Variants in ASCC1 observed in about 807,000 individuals in gnomAD.
ASCC1 encodes the protein activating signal cointegrator 1 complex subunit 1.
Under a neutral mutation model 46.6 loss-of-function variants are expected in ASCC1, and 35 were observed. The observed-to-expected ratio is 0.75, with a 90% confidence interval of 0.57 to 0.99. The LOEUF is 0.99. Ranked by LOEUF, ASCC1 falls within the 50% of genes least tolerant of loss-of-function variation. The probability of loss-of-function intolerance (pLI) is 0.00; values close to 1 mark genes in which losing one functional copy is unlikely to be tolerated. For synonymous variants in ASCC1, 143 were observed against 146.6 expected (o/e 0.98, Z 0.18); for missense variants, 376 against 428.7 (o/e 0.88, Z 1.09).
chr10:72,190,752 C>T (rs1854310731), intron 5 of ASCC1, among the ~76,000 whole-genome samples: 2 of 152,018 alleles, frequency 1.3e-5, no homozygotes, highest in African/African-American at 4.8e-5. Flanking sequence ...AATCCCAGCA[C>T]TTTGGGAAGC....
chr10:72,201,281 G>A (rs1035799515), intron 4 of ASCC1, among the ~76,000 whole-genome samples: 2 of 152,096 alleles, frequency 1.3e-5, no homozygotes, highest in African/African-American at 4.8e-5. Context: ...CCACAGTGCT[G>A]GAAGTACAGG....
At chr10:72,125,024 C>CA (rs34526013) in intron 9 of ASCC1, among the ~76,000 whole-genome samples, 1 of 152,128 alleles carries the variant, frequency 6.6e-6, no homozygotes, top group South Asian at 2.1e-4. Flanking sequence ...CAACAACTCT[C>CA]AAAAAAGCTG....
At chr10:72,196,111 T>C (rs1287597122) in intron 5 of ASCC1, among the ~76,000 whole-genome samples, 1 of 152,124 alleles carries the variant, frequency 6.6e-6, no homozygotes, top group Non-Finnish European at 1.5e-5. Context: ...TTCACTGTTA[T>C]CTAAGTATGG....
intron 9 of ASCC1, among the ~76,000 whole-genome samples, chr10:72,113,813 T>C (rs909785062): frequency 6.6e-6 from 1 of 152,196 alleles, no homozygotes; most frequent in African/African-American, 2.4e-5. Context: ...CCCCTAATAA[T>C]CTTCTGCAAT....
chr10:72,176,519 A>AT (rs1409079230), intron 5 of ASCC1, among the ~76,000 whole-genome samples: 13 of 151,310 alleles, frequency 8.6e-5, no homozygotes, highest in South Asian at 2.1e-4. Flanking sequence ...AATTTTTTTT[A>AT]TTTTTTGTGG....
chr10:72,184,887 A>C (rs1853228604), intron 5 of ASCC1, among the ~76,000 whole-genome samples: 1 of 152,186 alleles, frequency 6.6e-6, no homozygotes, highest in Non-Finnish European at 1.5e-5. Flanking sequence ...AAAATGGTAA[A>C]TTTTATGTTA....
chr10:72,148,567 T>C (rs957474167), intron 7 of ASCC1, among the ~76,000 whole-genome samples: 4 of 152,234 alleles, frequency 2.6e-5, no homozygotes, highest in Non-Finnish European at 2.9e-5. Context: ...AATTAGAATT[T>C]TGGAAAATGT....
intron 5 of ASCC1, among the ~76,000 whole-genome samples, chr10:72,172,003 C>G (rs1296176091): frequency 3.3e-5 from 5 of 152,176 alleles, no homozygotes; most frequent in African/African-American, 1.2e-4. Context: ...ACAAGGAAGT[C>G]TAGGGTGCTG....
In ASCC1 at chr10:72,196,652, A is replaced by G. The variant is rs1268594216; in HGVS notation, c.489+159T>C. On this transcript the variant is annotated intron_variant, in intron 5 of 9. Coordinates refer to ENST00000672957, the MANE Select transcript of ASCC1 (RefSeq NM_001198800.3). ...AACTTATGAGCTGATATGTCCATAC[A>G]CTTTTTTTTTCAGTTCAATATAAGA... 2.6e-5 allele frequency among the ~76,000 whole-genome samples: 4 copies of G among 151,676 alleles called. No homozygotes were observed. In the South Asian group the frequency reaches 8.3e-4, roughly 31 times the overall value.
At chr10:72,128,259 T>A in intron 8 of ASCC1, 92 bp from the exon 9 acceptor site, 2 of 1,072,004 alleles carry the variant, frequency 1.9e-6, no homozygotes, top group South Asian at 2.5e-5. Context: ...ACTAGCAAAA[T>A]TTTCATGAAC....
At chr10:72,138,599 T>TC in intron 7 of ASCC1, among the ~76,000 whole-genome samples, 2 of 143,120 alleles carry the variant, frequency 1.4e-5, no homozygotes, top group East Asian at 3.9e-4. Flanking sequence ...TTTCTTTCTT[T>TC]CTTTTTTTTT....
intron 5 of ASCC1, among the ~76,000 whole-genome samples, chr10:72,183,328 C>T (rs190234538): frequency 6.6e-6 from 1 of 152,276 alleles, no homozygotes; most frequent in East Asian, 1.9e-4. Context: ...CAGGTGTGAG[C>T]CACTGAGCCC....
intron 7 of ASCC1, among the ~76,000 whole-genome samples, chr10:72,136,405 T>C (rs1846207589): frequency 6.6e-6 from 1 of 152,212 alleles, no homozygotes; most frequent in Non-Finnish European, 1.5e-5. Context: ...ATCAGCACTC[T>C]GTGAAAACGC....
rs149733377 is a variant in ASCC1, at chr10:72,216,275, G to C, written c.-102C>G. ...AGACTGCTGCAGCAGACGTGCGATA[G>C]GAAATTTCCCCAGGCCGGGTTTGAC... On this transcript the variant is annotated 5_prime_UTR_variant, in exon 1 of 10. Transcript: ENST00000672957. 1.3e-5 allele frequency: 2 copies of C among 158,884 alleles called. No homozygotes were observed. The highest frequency in any genetic ancestry group is 2.8e-5 in the Non-Finnish European group (2 of 71,770). The allele number at this position is 158,884 out of a possible 1,614,324, so 9.8% of individuals were successfully genotyped here.
At chr10:72,179,511 T>C (rs568512592) in intron 5 of ASCC1, among the ~76,000 whole-genome samples, 1 of 152,340 alleles carries the variant, frequency 6.6e-6, no homozygotes, top group Non-Finnish European at 1.5e-5. Flanking sequence ...CCCCTAGGAC[T>C]GTCAACTATT....
chr10:72,139,427 A>G (rs915326007), intron 7 of ASCC1, among the ~76,000 whole-genome samples: 1 of 152,094 alleles, frequency 6.6e-6, no homozygotes, highest in Admixed American at 6.6e-5. Context: ...TTCTAACAGT[A>G]TATTATTTCA....
intron 9 of ASCC1, among the ~76,000 whole-genome samples, chr10:72,111,499 T>G (rs1842916358): frequency 6.6e-6 from 1 of 152,008 alleles, no homozygotes; most frequent in South Asian, 2.1e-4. Flanking sequence ...AAAAAAAAAT[T>G]CAAAGTTTTA....
intron 3 of ASCC1, among the ~76,000 whole-genome samples, chr10:72,205,611 C>G (rs1042130976): frequency 7.8e-6 from 1 of 129,010 alleles, no homozygotes; most frequent in Non-Finnish European, 1.6e-5. Flanking sequence ...GCCTGGGTGA[C>G]AAGAGTGAAA....
intron 9 of ASCC1, among the ~76,000 whole-genome samples, chr10:72,099,760 C>T (rs74696362): frequency 3.3e-5 from 5 of 151,960 alleles, no homozygotes; most frequent in South Asian, 2.1e-4. Context: ...GCGGAGGTTG[C>T]GGTGAGCCGA....
Sources: allele counts gnomAD v4.1 joint callset (sites outside exome capture counted in the v4.1 genomes callset), GRCh38; gene constraint gnomAD v4.1.1; transcripts MANE v1.5; gene names NCBI Gene and HGNC (gene_info 2026-07-23, HGNC 2026-07-21).